STK10: variants seen among roughly 807,000 people sequenced by gnomAD.
The protein encoded by STK10 is serine/threonine kinase 10, also known as serine/threonine-protein kinase 10.
A neutral mutation model predicts 113.8 loss-of-function variants in STK10; 78 were observed. That is an observed-to-expected ratio of 0.69 (90% confidence interval 0.57 to 0.83). The LOEUF is 0.83. Ranked by LOEUF, STK10 falls within the 40% of genes least tolerant of loss-of-function variation. The pLI is 0.00. For missense variants in STK10, 1,109 were observed against 1,280.1 expected (o/e 0.87, Z 2.04); for synonymous variants, 465 against 494.7 (o/e 0.94, Z 0.80).
At chr5:172,152,387 T>C (rs1032510982) in intron 2 of STK10, among the ~76,000 whole-genome samples, 5 of 152,116 alleles carry the variant, frequency 3.3e-5, no homozygotes, top group African/African-American at 4.8e-5. Flanking sequence ...CCCCCGGCCA[T>C]TGAAAGATTT....
chr5:172,076,329 A>T (rs868696231), intron 12 of STK10, among the ~76,000 whole-genome samples: 2 of 58,848 alleles, frequency 3.4e-5, no homozygotes, highest in African/African-American at 1.1e-4. Flanking sequence ...CCTGTGCGTT[A>T]GTTGTGGGGG....
intron 10 of STK10, among the ~76,000 whole-genome samples, chr5:172,087,635 T>TATTTA (rs1382555953): frequency 2.0e-5 from 2 of 101,806 alleles, no homozygotes; most frequent in East Asian, 2.0e-4. Context: ...TTTTTTTTTT[T>TATTTA]TTTTGAGACG....
In STK10 at chr5:172,044,625, A is replaced by T. The variant is rs1224267356; in HGVS notation, c.*257T>A. On this transcript the variant is annotated 3_prime_UTR_variant, in exon 19 of 19. Transcript: ENST00000176763. The surrounding 1 kb of genome is among the most constrained non-coding windows in gnomAD (Gnocchi z 4.5). Reference sequence around the variant, plus strand: ...AACAGCCCCATCCCTTCCAGCTTGAAGGGATCTGGGGCTCAAGGAGAATAT... The same window carrying T: ...AACAGCCCCATCCCTTCCAGCTTGATGGGATCTGGGGCTCAAGGAGAATAT... 2 of 556,386 alleles carry T rather than the reference A, an allele frequency of 3.6e-6. No individual in the cohort carries two copies. The highest frequency in any genetic ancestry group is 6.4e-6 in the Non-Finnish European group (2 of 313,922). 34.5% of individuals were successfully genotyped at this position (556,386 alleles called of 1,614,324 possible). A position where few individuals can be genotyped will look rare whatever the true frequency, so the allele number is the denominator to read the frequency against.
chr5:172,172,198 CAA>C (rs1190735042), intron 1 of STK10, among the ~76,000 whole-genome samples: 2 of 152,030 alleles, frequency 1.3e-5, no homozygotes, highest in African/African-American at 4.8e-5. Flanking sequence ...CTCAAAAAAA[CAA>C]ACAGTATGGC....
At chr5:172,175,171 C>T (rs1027112258) in intron 1 of STK10, among the ~76,000 whole-genome samples, 5 of 152,114 alleles carry the variant, frequency 3.3e-5, no homozygotes, top group African/African-American at 9.7e-5. Flanking sequence ...GGTGCCACCA[C>T]GCCTGGCTAA....
intron 4 of STK10, among the ~76,000 whole-genome samples, chr5:172,110,229 G>A (rs3111481): frequency 0.11 from 17,089 of 152,244 alleles, 1,017 homozygotes; most frequent in Middle Eastern, 0.13. Flanking sequence ...AGACAGGACC[G>A]GGGCTACTCA....
chr5:172,056,283 G>A (rs1767754888), intron 15 of STK10, among the ~76,000 whole-genome samples: 1 of 152,158 alleles, frequency 6.6e-6, no homozygotes, highest in East Asian at 1.9e-4. Flanking sequence ...ACTGCATTTA[G>A]ATAAGAAACT....
chr5:172,161,297 CA>C (rs1373773423), intron 1 of STK10, among the ~76,000 whole-genome samples: 1 of 151,874 alleles, frequency 6.6e-6, no homozygotes, highest in South Asian at 2.1e-4. Context: ...ACTAAAAATA[CA>C]AAAAATTAGC....
chr5:172,129,174 G>A (rs1334212421), intron 2 of STK10, among the ~76,000 whole-genome samples: 1 of 152,194 alleles, frequency 6.6e-6, no homozygotes. Flanking sequence ...TATAAGCCGG[G>A]CTGGGATGCA....
intron 14 of STK10, among the ~76,000 whole-genome samples, chr5:172,059,731 C>A (rs1162324907): frequency 2.6e-5 from 4 of 152,108 alleles, no homozygotes; most frequent in Non-Finnish European, 5.9e-5. Flanking sequence ...GTGGCCCGCA[C>A]CATCATCTCC....
At chr5:172,055,274 A>C (rs1581131985) in intron 16 of STK10, among the ~76,000 whole-genome samples, 1 of 151,860 alleles carries the variant, frequency 6.6e-6, no homozygotes, top group Non-Finnish European at 1.5e-5. Flanking sequence ...ATCTTGGCTC[A>C]CCGCAACCTC....
At chr5:172,059,622 C>A (rs555871413) in intron 14 of STK10, among the ~76,000 whole-genome samples, 2 of 152,088 alleles carry the variant, frequency 1.3e-5, no homozygotes, top group South Asian at 4.1e-4. Flanking sequence ...GACGCCCCGT[C>A]TGAGCTCCCC....
chr5:172,099,070 A>C (rs1382240360), intron 7 of STK10, among the ~76,000 whole-genome samples: 1 of 151,390 alleles, frequency 6.6e-6, no homozygotes, highest in Admixed American at 6.6e-5. Context: ...CATCACCATC[A>C]TTATCAACAT....
At chr5:172,051,804 C>T (rs944000714) in intron 18 of STK10, among the ~76,000 whole-genome samples, 3 of 152,046 alleles carry the variant, frequency 2.0e-5, no homozygotes, top group Admixed American at 6.6e-5. Flanking sequence ...CGTATCCATG[C>T]GAGTCAGCCA....
chr5:172,070,378 A>G (rs530741297), intron 12 of STK10, among the ~76,000 whole-genome samples: 2 of 151,958 alleles, frequency 1.3e-5, no homozygotes, highest in African/African-American at 4.8e-5. Context: ...ATTAAACAAC[A>G]AGCTTTTAAA....
intron 10 of STK10, among the ~76,000 whole-genome samples, chr5:172,089,146 TC>T (rs1369185118): frequency 6.6e-6 from 1 of 152,110 alleles, no homozygotes; most frequent in African/African-American, 2.4e-5. Context: ...AACTGCAATT[TC>T]CCCTGGGCTC....
chr5:172,060,406 C>T (rs1229449678), intron 14 of STK10, among the ~76,000 whole-genome samples: 2 of 151,944 alleles, frequency 1.3e-5, no homozygotes, highest in Non-Finnish European at 2.9e-5. Context: ...GACCCTGTCT[C>T]AATAAATAAA....
intron 18 of STK10, among the ~76,000 whole-genome samples, chr5:172,047,057 C>T (rs1767508267): frequency 6.6e-6 from 1 of 152,186 alleles, no homozygotes; most frequent in Non-Finnish European, 1.5e-5. Flanking sequence ...AAAAATACTC[C>T]ACAATGTACA....
At position 172,055,687 on chromosome 5, in the gene STK10, G is replaced by A. The variant is rs1458548625; in HGVS notation, c.2427C>T (p.Ile809=). The A allele has an allele frequency of 5.0e-6, 8 of 1,587,080 alleles. No homozygotes were observed. Among genetic ancestry groups the A allele is most frequent in the African/African-American group, 1.4e-5 (1 of 73,996 alleles). The part of the protein sequence containing the change: ...QQQEKARLPK[I]QRSEGKTRMA... ...TGCGCGTCTTGCCCTCACTCCTCTG[G>A]ATCTTGGGCAGCCGCGCCTTTTCCT... The change falls in exon 16 of 19, where the codon ATC becomes ATT. Residue 809 remains isoleucine, a synonymous_variant. Coordinates refer to ENST00000176763, the MANE Select transcript of STK10 (RefSeq NM_005990.4).
Sources: gnomAD v4.1 joint callset for allele counts (sites outside exome capture counted in the v4.1 genomes callset) on GRCh38, gnomAD v4.1.1 for gene constraint, Gnocchi (gnomAD v3.1) non-coding constraint, MANE v1.5 for transcripts, NCBI Gene and HGNC (gene_info 2026-07-23, HGNC 2026-07-21) for gene names.